The following CAAP1 variants were observed in gnomAD, a reference collection of about 807,000 sequenced individuals.
CAAP1 encodes caspase activity and apoptosis inhibitor 1.
A neutral mutation model predicts 34.0 loss-of-function variants in CAAP1; 20 were observed. The observed-to-expected ratio is 0.59, with a 90% CI of 0.41 to 0.86. The LOEUF is 0.86. Ranked by LOEUF, CAAP1 falls within the 40% of genes least tolerant of loss-of-function variation. The pLI is 0.00. For synonymous variants in CAAP1, 213 were observed against 166.7 expected, an observed-to-expected ratio of 1.28 and a Z score of -2.14; for missense variants, 538 against 450.5, an observed-to-expected ratio of 1.19 and a Z score of -1.76.
At chr9:26,887,751 C>G (rs1011569000) in intron 1 of CAAP1, among the ~76,000 whole-genome samples, 1 of 152,172 alleles carries the variant, frequency 6.6e-6, no homozygotes, top group Non-Finnish European at 1.5e-5. Flanking sequence ...TTAGGATACA[C>G]AAACAAAAGT....
intron 4 of CAAP1, among the ~76,000 whole-genome samples, chr9:26,861,358 T>C (rs1822999628): frequency 6.6e-6 from 1 of 152,166 alleles, no homozygotes; most frequent in Non-Finnish European, 1.5e-5. Flanking sequence ...TATACTTCTT[T>C]GTAAAATCAA....
intron 5 of CAAP1, among the ~76,000 whole-genome samples, chr9:26,850,382 A>T (rs1168937705): frequency 6.6e-6 from 1 of 152,188 alleles, no homozygotes; most frequent in African/African-American, 2.4e-5. Flanking sequence ...TCTTTGAATG[A>T]GTTATTTGAG....
At chr9:26,889,768 TGAGGCAGGAGAATGGCGTGAACCCAG>T (rs1188494936) in intron 1 of CAAP1, among the ~76,000 whole-genome samples, 1 of 147,514 alleles carries the variant, frequency 6.8e-6, no homozygotes, top group African/African-American at 2.5e-5. Context: ...CTCTGGAGGC[TGAGGCAGGAGAATGGCGTGAACCCAG>T]GAGGCGGCGC....
intron 1 of CAAP1, among the ~76,000 whole-genome samples, chr9:26,888,476 T>A (rs921204384): frequency 3.3e-5 from 5 of 152,224 alleles, no homozygotes; most frequent in Admixed American, 6.5e-5. Flanking sequence ...TCAACAGTCA[T>A]TTCCTCTGGA....
At chr9:26,870,039 C>CTTTTTT (rs555433697) in intron 4 of CAAP1, 4 of 277,670 alleles carry the variant, frequency 1.4e-5, no homozygotes, top group South Asian at 1.5e-4. Flanking sequence ...GAAAGAATAA[C>CTTTTTT]TTTTTTTTTT....
At chr9:26,874,023 T>C (rs553549376) in intron 4 of CAAP1, among the ~76,000 whole-genome samples, 3 of 151,674 alleles carry the variant, frequency 2.0e-5, no homozygotes, top group South Asian at 4.2e-4. Flanking sequence ...CTGGCTAACA[T>C]GGTGAAACCC....
rs192968796 is a variant in CAAP1, at chr9:26,875,161, G to T, written c.665+9649C>A. 1.2e-4 allele frequency among the ~76,000 whole-genome samples: 18 copies of T among 152,278 alleles called. No homozygotes were observed. In the East Asian group the frequency reaches 3.3e-3, roughly 28 times the overall value. On this transcript the variant is annotated intron_variant, in intron 4 of 5. Coordinates refer to ENST00000333916, the MANE Select transcript of CAAP1 (RefSeq NM_024828.4). ...ACATTTTGGGAGGCCAAGGCAGGTG[G>T]ATCACTCGAGGTCAGGGGTTCAAGA...
chr9:26,884,012 G>A (rs1823664418), intron 4 of CAAP1, among the ~76,000 whole-genome samples: 1 of 152,114 alleles, frequency 6.6e-6, no homozygotes, highest in African/African-American at 2.4e-5. Context: ...CTATGCTACT[G>A]CCCCTGGTAA....
Position 26,892,443 on chromosome 9 carries a change from G to C in CAAP1, c.273C>G (p.Asp91Glu). The change falls in exon 1 of 6, where the codon GAC (aspartate) becomes GAG (glutamate). Residue 91 changes from aspartate (D) to glutamate (E), a missense_variant. Around this residue, in one of 3 missense-constraint regions of CAAP1, gnomAD observed 514 missense variants for 408.4 expected, o/e 1.26. Coordinates refer to ENST00000333916, the MANE Select transcript of CAAP1 (RefSeq NM_024828.4). ...RSERRKRRST[D>E]SSSVSGSLQQ... ...GCAAGGAGCCCGAGACGCTGGAAGA[G>C]TCGGTACTCCTCCGCTTCCGGCGCT... The C allele has an allele frequency of 6.3e-7, 1 of 1,598,490 alleles. No homozygotes were observed. Among genetic ancestry groups the C allele is most frequent in the Non-Finnish European group, 8.5e-7 (1 of 1,174,330 alleles).
chr9:26,871,126 CA>C (rs760574797), intron 4 of CAAP1, among the ~76,000 whole-genome samples: 77 of 152,306 alleles, frequency 5.1e-4, no homozygotes, highest in Non-Finnish European at 9.3e-4. Flanking sequence ...TTTGGCTGAA[CA>C]CCATTGACCC....
intron 1 of CAAP1, among the ~76,000 whole-genome samples, chr9:26,890,042 A>G (rs1173101206): frequency 1.3e-5 from 2 of 152,076 alleles, no homozygotes; most frequent in African/African-American, 2.4e-5. Flanking sequence ...TCAATATTCA[A>G]TTGACCAGTG....
intron 5 of CAAP1, among the ~76,000 whole-genome samples, chr9:26,857,233 G>A (rs372881522): frequency 4.6e-5 from 7 of 152,306 alleles, no homozygotes; most frequent in Admixed American, 1.3e-4. Context: ...ACAGGTATGC[G>A]CATGCACACA....
At chr9:26,888,542 G>A (rs1823812099) in intron 1 of CAAP1, among the ~76,000 whole-genome samples, 1 of 152,114 alleles carries the variant, frequency 6.6e-6, no homozygotes, top group Admixed American at 6.5e-5. Flanking sequence ...TTTTAAAATG[G>A]GTCAGTTTTA....
intron 2 of CAAP1, among the ~76,000 whole-genome samples, chr9:26,887,110 G>A (rs544981433): frequency 6.6e-6 from 1 of 152,274 alleles, no homozygotes; most frequent in African/African-American, 2.4e-5. Flanking sequence ...TACTCAGGAG[G>A]CTGAGGCAAG....
chr9:26,850,897 A>G (rs1423390681), intron 5 of CAAP1, among the ~76,000 whole-genome samples: 2 of 152,248 alleles, frequency 1.3e-5, no homozygotes, highest in East Asian at 3.8e-4. Flanking sequence ...AAAAATGCAA[A>G]TGATTCAGTA....
intron 4 of CAAP1, among the ~76,000 whole-genome samples, chr9:26,876,433 G>A (rs187376498): frequency 4.4e-4 from 66 of 151,482 alleles, no homozygotes; most frequent in Middle Eastern, 7.0e-3. Flanking sequence ...TCTTGGGTGA[G>A]GGGGAGGTCA....
rs150583609 is a variant in CAAP1, at chr9:26,889,409, A to G, written c.304-1896T>C. On this transcript the variant is annotated intron_variant, in intron 1 of 5. Transcript: ENST00000333916. ...CTCCAGTCTGGGCAACAAGAGGGAA[A>G]CTCTATCTCAAAAAAACAAAAACAA... is the stretch of plus-strand genomic sequence containing the variant. 3.4e-3 allele frequency among the ~76,000 whole-genome samples: 515 copies of G among 151,138 alleles called. 3 individuals carry two copies. Among genetic ancestry groups the G allele is most frequent in the African/African-American group, 0.012 (493 of 41,172 alleles).
In CAAP1 at chr9:26,890,843, G is replaced by A. The variant is rs986063795; in HGVS notation, c.303+1570C>T. ...GCCTGCAGTCCCAGCTACTCGGGAG[G>A]CTGAGGCAGGGGAATGGCCTGAACC... On this transcript the variant is annotated intron_variant, in intron 1 of 5. Transcript: ENST00000333916. Among the ~76,000 whole-genome samples the A allele has an allele frequency of 4.4e-4, 67 of 152,044 alleles. 2 individuals carry two copies. Among genetic ancestry groups the A allele is most frequent in the African/African-American group, 1.6e-3 (65 of 41,404 alleles).
Position 26,844,408 on chromosome 9 carries a change from C to G in CAAP1, c.740-1761G>C, listed in dbSNP as rs1183115106. Among the ~76,000 whole-genome samples the G allele has an allele frequency of 4.6e-5, 7 of 152,094 alleles. 2 individuals are homozygous for G. On this transcript the variant is annotated intron_variant, in intron 5 of 5. Transcript: ENST00000333916. ...GTTGTTCACAGCCTCAAAAAATTAA[C>G]TTTAGTGTCTCCGAGGCTTTACCTA...
Sources: allele counts gnomAD v4.1 joint callset (sites outside exome capture counted in the v4.1 genomes callset), GRCh38; gene constraint gnomAD v4.1.1; regional missense constraint gnomAD v4.1.1; transcripts MANE v1.5; gene names NCBI Gene and HGNC (gene_info 2026-07-23, HGNC 2026-07-21).